The following NHSL1 variants were observed in gnomAD, a reference collection of about 807,000 sequenced individuals.
NHSL1 encodes NHS-like protein 1.
A neutral mutation model predicts 95.0 loss-of-function variants in NHSL1; 48 were observed. The observed-to-expected ratio is 0.51, with a 90% CI of 0.40 to 0.64. The LOEUF is 0.64. Ranked by LOEUF, NHSL1 falls within the 30% of genes least tolerant of loss-of-function variation. The pLI is 0.00. For missense variants in NHSL1, 1,971 were observed against 2,077.7 expected, an observed-to-expected ratio of 0.95 and a Z score of 1.00; for synonymous variants, 783 against 833.9, an observed-to-expected ratio of 0.94 and a Z score of 1.05.
At position 138,432,626 on chromosome 6, in the gene NHSL1, A is replaced by T. The variant is rs1446824671; in HGVS notation, c.1719T>A (p.Pro573=). The T allele has an allele frequency of 6.4e-7, 1 of 1,551,764 alleles. No homozygotes were observed. Among genetic ancestry groups the T allele is most frequent in the Admixed American group, 2.0e-5 (1 of 51,000 alleles). Residue 573 remains proline (P), a synonymous_variant, in exon 6 of 8, where the codon CCT becomes CCA. Coordinates refer to ENST00000343505, the MANE Select transcript of NHSL1 (RefSeq NM_001144060.2). This position sits in a 1 kb window ranked among gnomAD's most constrained non-coding sequence, Gnocchi z 4.4. ...TGTTACTTGTGGGAGTGGAATAGCC[A>T]GGAGTTGCTAAATGCGGCTTCAGGG... The part of the protein sequence containing the change: ...ASPLKPHLAT[P]GYSTPTSNMS...
chr6:138,638,774 C>T (rs1464483031), intron 1 of NHSL1, among the ~76,000 whole-genome samples: 1 of 152,136 alleles, frequency 6.6e-6, no homozygotes, highest in East Asian at 1.9e-4. Flanking sequence ...GCTGTCTTCC[C>T]AGCCACTATG....
intron 1 of NHSL1, among the ~76,000 whole-genome samples, chr6:138,618,622 T>C (rs931681146): frequency 6.6e-6 from 1 of 152,208 alleles, no homozygotes; most frequent in African/African-American, 2.4e-5. Context: ...CATTTAACTA[T>C]GATATTCAGA....
intron 1 of NHSL1, among the ~76,000 whole-genome samples, chr6:138,560,762 C>A (rs1448126977): frequency 6.6e-6 from 1 of 152,172 alleles, no homozygotes; most frequent in East Asian, 1.9e-4. Flanking sequence ...TAAAGCAATA[C>A]CCACCCGTAT....
At chr6:138,689,365 A>G (rs949550015) in intron 1 of NHSL1, among the ~76,000 whole-genome samples, 7 of 152,150 alleles carry the variant, frequency 4.6e-5, no homozygotes, top group Admixed American at 4.6e-4. Context: ...TCTTCAATGA[A>G]CAGAATAATA....
rs143258940 is a variant in NHSL1 at position 138,687,301 on chromosome 6, A to C, written c.96+5175T>G. On this transcript the variant is annotated intron_variant, in intron 1 of 3. Transcript: ENST00000491526. ...AATTAAAAAAAAAAAAAGAAGAAGAAGACGAAGTGCAGTGAACACTCTGTC... is the reference window on the plus strand; with the variant it reads ...AATTAAAAAAAAAAAAAGAAGAAGACGACGAAGTGCAGTGAACACTCTGTC... 2.3e-3 allele frequency among the ~76,000 whole-genome samples: 349 copies of C among 152,100 alleles called. 1 individual carries two copies. Among genetic ancestry groups the C allele is most frequent in the Non-Finnish European group, 4.0e-3 (273 of 67,982 alleles).
chr6:138,651,821 A>G (rs1785096711), intron 1 of NHSL1, among the ~76,000 whole-genome samples: 1 of 152,238 alleles, frequency 6.6e-6, no homozygotes, highest in Non-Finnish European at 1.5e-5. Context: ...ATGACCAAAC[A>G]TAAATGAGAT....
chr6:138,611,838 A>G (rs372878715), intron 1 of NHSL1, among the ~76,000 whole-genome samples: 10 of 151,722 alleles, frequency 6.6e-5, no homozygotes, highest in African/African-American at 2.4e-4. Flanking sequence ...GGCCAAGCAC[A>G]GTGTTTCATG....
At chr6:138,479,530 T>C (rs1259752520) in intron 2 of NHSL1, among the ~76,000 whole-genome samples, 1 of 152,198 alleles carries the variant, frequency 6.6e-6, no homozygotes, top group Admixed American at 6.5e-5. Flanking sequence ...GGAGGTTTCA[T>C]GTCTTAGGCA....
chr6:138,546,016 C>G (rs954174249), upstream of NHSL1, among the ~76,000 whole-genome samples: 1 of 152,172 alleles, frequency 6.6e-6, no homozygotes, highest in Non-Finnish European at 1.5e-5. Flanking sequence ...TGATCAACAA[C>G]ACAAAAAAGA....
At chr6:138,564,054 C>T (rs1247745118) in intron 1 of NHSL1, among the ~76,000 whole-genome samples, 1 of 151,088 alleles carries the variant, frequency 6.6e-6, no homozygotes, top group East Asian at 1.9e-4. Context: ...TTGGTCAAAA[C>T]AGCCCTGATC....
chr6:138,647,592 A>C (rs1290587053), intron 1 of NHSL1, among the ~76,000 whole-genome samples: 1 of 151,050 alleles, frequency 6.6e-6, no homozygotes, highest in Admixed American at 6.6e-5. Context: ...CCATCAAAAA[A>C]TATTTCTCAC....
intron 1 of NHSL1, among the ~76,000 whole-genome samples, chr6:138,660,447 T>C (rs989541584): frequency 1.3e-5 from 2 of 152,020 alleles, no homozygotes; most frequent in Non-Finnish European, 2.9e-5. Context: ...ATATAGACCC[T>C]GACCAAAGAC....
At chr6:138,548,143 G>A (rs1056036288), upstream of NHSL1, among the ~76,000 whole-genome samples, 6 of 152,076 alleles carry the variant, frequency 3.9e-5, no homozygotes, top group East Asian at 3.9e-4. Context: ...CACCATGCCC[G>A]GCTAATTTTT....
At chr6:138,580,801 T>C (rs1784041910) in intron 1 of NHSL1, among the ~76,000 whole-genome samples, 1 of 152,172 alleles carries the variant, frequency 6.6e-6, no homozygotes, top group African/African-American at 2.4e-5. Flanking sequence ...TTACCTGACA[T>C]GGGAAAAAGA....
At chr6:138,617,349 C>T (rs1784594032) in intron 1 of NHSL1, among the ~76,000 whole-genome samples, 1 of 152,108 alleles carries the variant, frequency 6.6e-6, no homozygotes, top group East Asian at 1.9e-4. Flanking sequence ...CAAGAGAGAC[C>T]TCACAGGGAA....
chr6:138,508,579 T>C (rs565731646), intron 1 of NHSL1, among the ~76,000 whole-genome samples: 1 of 152,332 alleles, frequency 6.6e-6, no homozygotes, highest in African/African-American at 2.4e-5. Flanking sequence ...TTCCATGTGC[T>C]ACTTGCTGCC....
In NHSL1 at chr6:138,431,875, T is replaced by C; in HGVS notation, c.2470A>G (p.Met824Val). The C allele has an allele frequency of 1.9e-6, 3 of 1,551,714 alleles. No homozygotes were observed. The highest frequency in any genetic ancestry group is 1.7e-4 in the Middle Eastern group (1 of 5,992). Residue 824 changes from methionine to valine, a missense_variant, in exon 6 of 8, where the codon ATG becomes GTG. Around this residue, in one of 3 missense-constraint regions of NHSL1, gnomAD observed 1,602 missense variants for 1,654.5 expected, o/e 0.97. Transcript: ENST00000343505. This position sits in a 1 kb window ranked among gnomAD's most constrained non-coding sequence, Gnocchi z 4.0. ...ACTGAACCACCGGGCACTTGGGGCATTGTGGCTCTGGACCCTTCTTGGACA... is the reference window on the plus strand; with the variant it reads ...ACTGAACCACCGGGCACTTGGGGCACTGTGGCTCTGGACCCTTCTTGGACA... ...RHVQEGSRATMPQVPGGSVKP... is the reference protein window; with the variant it reads ...RHVQEGSRATVPQVPGGSVKP...
chr6:138,653,445 G>T (rs1235830330), intron 1 of NHSL1, among the ~76,000 whole-genome samples: 1 of 152,002 alleles, frequency 6.6e-6, no homozygotes, highest in East Asian at 1.9e-4. Context: ...TCCCAGATAT[G>T]CGGGAGGCTG....
chr6:138,648,599 C>A (rs534769460), intron 1 of NHSL1, among the ~76,000 whole-genome samples: 2 of 152,300 alleles, frequency 1.3e-5, no homozygotes, highest in East Asian at 3.9e-4. Flanking sequence ...GCTGGGACTT[C>A]TCAAAGCTTA....
Sources: allele counts gnomAD v4.1 joint callset (sites outside exome capture counted in the v4.1 genomes callset), GRCh38; gene constraint gnomAD v4.1.1; regional missense constraint gnomAD v4.1.1; non-coding constraint Gnocchi (gnomAD v3.1); transcripts MANE v1.5; gene names NCBI Gene and HGNC (gene_info 2026-07-23, HGNC 2026-07-21).